TAF1L: variants seen among roughly 807,000 people sequenced by gnomAD.
TAF1L encodes transcription initiation factor TFIID subunit 1-like.
A neutral mutation model predicts 128.8 loss-of-function variants in TAF1L; 30 were observed. The ratio of observed to expected loss-of-function variants is 0.23; its 90% CI spans 0.17 to 0.32. The LOEUF (loss-of-function observed/expected upper bound fraction) is 0.32, where lower values mean the gene tolerates loss of function less well. TAF1L is among the 10% of genes least tolerant of loss of function. TAF1L has a pLI of 1.00. For missense variants in TAF1L, 2,099 were observed against 2,253.7 expected, an observed-to-expected ratio of 0.93 and a Z score of 1.39; for synonymous variants, 764 against 790.7, an observed-to-expected ratio of 0.97 and a Z score of 0.57.
In TAF1L at chr9:32,632,993, T is replaced by C. The variant is rs1822536653; in HGVS notation, c.2587A>G (p.Lys863Glu). 2 of 1,614,104 alleles carry C rather than the reference T, an allele frequency of 1.2e-6. No homozygotes were observed. Among genetic ancestry groups the C allele is most frequent in the South Asian group, 2.2e-5 (2 of 91,092 alleles). ...AAGTCAGCGCAGAGCTTTAGCCTCT[T>C]CCGGATGCTGCTTTCTGAATGGGAA... Reference protein sequence around the residue: ...FPSHSESSIRKRLKLCADFKR... With the variant: ...FPSHSESSIRERLKLCADFKR... The change falls in exon 1 of 1, where the codon AAG becomes GAG. Residue 863 changes from lysine to glutamate, a missense_variant. Physicochemically the swap from Lys to Glu is moderately conservative, Grantham distance 56 (BLOSUM62 1). Transcript: ENST00000242310. This position sits in a 1 kb window ranked among gnomAD's most constrained non-coding sequence, Gnocchi z 4.4.
rs1246511817 is a variant in TAF1L, at chr9:32,631,259, T to G, written c.4321A>C (p.Thr1441Pro). Reference protein sequence around the residue: ...KVVKDYYKIITRPMDLQTLRE... With the variant: ...KVVKDYYKIIPRPMDLQTLRE... ...AGTGTTTGTAGGTCCATTGGCCGAGTGATGATTTTGTAGTAGTCCTTTACA... is the reference window on the plus strand; with the variant it reads ...AGTGTTTGTAGGTCCATTGGCCGAGGGATGATTTTGTAGTAGTCCTTTACA... The change falls in exon 1 of 1, where the codon ACT (threonine) becomes CCT (proline). Residue 1441 changes from threonine to proline, a missense_variant. By Grantham distance (38) the Thr-to-Pro change is conservative. Transcript: ENST00000242310. This position sits in a 1 kb window ranked among gnomAD's most constrained non-coding sequence, Gnocchi z 4.1. The G allele has an allele frequency of 6.2e-7, 1 of 1,613,838 alleles. No individual in the cohort carries two copies. The highest frequency in any genetic ancestry group is 1.3e-5 in the African/African-American group (1 of 74,844).
Position 32,633,301 on chromosome 9 carries a change from T to C in TAF1L, c.2279A>G (p.Gln760Arg), listed in dbSNP as rs1342215647. ...ACGAAAAAGGTTGTTCTCAAGTGCC[T>C]GCAGTAATTGGCCAGGATGGAGAGA... The part of the protein sequence containing the change: ...LGSLHPGQLL[Q>R]ALENNLFRAP... The change falls in exon 1 of 1, where the codon CAG becomes CGG. Residue 760 changes from glutamine to arginine, a missense_variant. By Grantham distance (43) the Gln-to-Arg change is conservative (BLOSUM62 1). Around this residue, in one of 4 missense-constraint regions of TAF1L, gnomAD observed 1,213 missense variants for 1,391.4 expected, o/e 0.87. Transcript: ENST00000242310. 1 of 1,614,222 alleles carries C rather than the reference T, an allele frequency of 6.2e-7. No homozygotes were observed. The highest frequency in any genetic ancestry group is 1.7e-5 in the Admixed American group (1 of 60,028).
chr9:32,629,966 G>C lies in TAF1L; in HGVS notation c.*133C>G. ...CCACCATGCCCAGCTGGAAATTTCCGATGCTGCTGAAGCTTGTGTCTTGGG... is the reference window on the plus strand; with the variant it reads ...CCACCATGCCCAGCTGGAAATTTCCCATGCTGCTGAAGCTTGTGTCTTGGG... On this transcript the variant is annotated 3_prime_UTR_variant, in exon 1 of 1. Coordinates refer to ENST00000242310, the MANE Select transcript of TAF1L (RefSeq NM_153809.2). The C allele has an allele frequency of 6.6e-7, 1 of 1,522,606 alleles. No homozygotes were observed. The highest frequency in any genetic ancestry group is 8.8e-7 in the Non-Finnish European group (1 of 1,131,456). 94.3% of individuals were successfully genotyped at this position (1,522,606 alleles called of 1,614,324 possible). A position where few individuals can be genotyped will look rare whatever the true frequency, so the allele number is the denominator to read the frequency against.
In TAF1L at chr9:32,634,077, G is replaced by T; in HGVS notation, c.1503C>A (p.Asp501Glu). ...TGGCCTGAGCATCCCAAATGATATTGTCCTCCCAGCGTCCATACACCAGAT... is the reference window on the plus strand; with the variant it reads ...TGGCCTGAGCATCCCAAATGATATTTTCCTCCCAGCGTCCATACACCAGAT... ...NEDLVYGRWE[D>E]NIIWDAQAMP... Residue 501 changes from aspartate to glutamate, a missense_variant, in exon 1 of 1, where the codon GAC becomes GAA. Physicochemically the swap from Asp to Glu is conservative, Grantham distance 45. Coordinates refer to ENST00000242310, the MANE Select transcript of TAF1L (RefSeq NM_153809.2). 1 of 1,614,136 alleles carries T rather than the reference G, an allele frequency of 6.2e-7. No homozygotes were observed. The highest frequency in any genetic ancestry group is 8.5e-7 in the Non-Finnish European group (1 of 1,180,038).
Position 32,634,918 on chromosome 9 carries a change from TCTGC to T in TAF1L, c.658_661del (p.Ala220AsnfsTer7), listed in dbSNP as rs1412887561. The T allele has an allele frequency of 6.2e-7, 1 of 1,614,036 alleles. No individual in the cohort carries two copies. The highest frequency in any genetic ancestry group is 1.3e-5 in the African/African-American group (1 of 74,900). ...AAGGGTCAGCTTTCCATCCTCAGAT[TCTGC>T]CTGTGTTGCTTCCTGAGGTCCCATC... is the stretch of plus-strand genomic sequence containing the variant. On this transcript the variant is annotated frameshift_variant, in exon 1 of 1. Coordinates refer to ENST00000242310, the MANE Select transcript of TAF1L (RefSeq NM_153809.2). LOFTEE classifies it high-confidence loss of function.
Position 32,630,371 on chromosome 9 carries a change from G to A in TAF1L, c.5209C>T (p.Pro1737Ser), listed in dbSNP as rs1822500114. ...GCAAGATCACCATCTCCCCCTTCTG[G>A]GGCTGGAGGCTTAGGTTTCCCATCC... ...EEDGKPKPPA[P>S]EGGDGDLADE... Residue 1737 changes from proline to serine, a missense_variant, in exon 1 of 1, where the codon CCA (proline) becomes TCA (serine). Transcript: ENST00000242310. 1.2e-6 allele frequency: 2 copies of A among 1,614,038 alleles called. No individual in the cohort carries two copies. The highest frequency in any genetic ancestry group is 1.7e-6 in the Non-Finnish European group (2 of 1,179,998).
Position 32,634,095 on chromosome 9 carries a change from C to T in TAF1L, c.1485G>A (p.Val495=), listed in dbSNP as rs1489081581. The T allele has an allele frequency of 3.1e-6, 5 of 1,614,086 alleles. No homozygotes were observed. The highest frequency in any genetic ancestry group is 1.1e-5 in the South Asian group (1 of 91,082). Reference sequence around the variant, plus strand: ...TGATATTGTCCTCCCAGCGTCCATACACCAGATCCTCATTGTCAATGGGAA... The same window carrying T: ...TGATATTGTCCTCCCAGCGTCCATATACCAGATCCTCATTGTCAATGGGAA... The part of the protein sequence containing the change: ...SIFPIDNEDL[V]YGRWEDNIIW... Residue 495 remains valine (V), a synonymous_variant, in exon 1 of 1, where the codon GTG becomes GTA. Coordinates refer to ENST00000242310, the MANE Select transcript of TAF1L (RefSeq NM_153809.2).
rs750016255 is a variant in TAF1L, at chr9:32,633,781, C to T, written c.1799G>A (p.Arg600Gln). 26 of 1,614,032 alleles carry T rather than the reference C, an allele frequency of 1.6e-5. No homozygotes were observed. Among genetic ancestry groups the T allele is most frequent in the Middle Eastern group, 1.6e-4 (1 of 6,084 alleles). ...EYYFPKQQGL[R>Q]GTFGGNIIQH... ...GATAATATTCCCTCCAAAGGTGCCC[C>T]GAAGACCCTGTTGCTTGGGGAAATA... Residue 600 changes from arginine (R) to glutamine (Q), a missense_variant, in exon 1 of 1, where the codon CGG (arginine) becomes CAG (glutamine). Transcript: ENST00000242310.
chr9:32,631,873 C>T lies in TAF1L; in HGVS notation c.3707G>A (p.Arg1236Gln). 5 of 1,614,142 alleles carry T rather than the reference C, an allele frequency of 3.1e-6. No homozygotes were observed. The highest frequency in any genetic ancestry group is 1.7e-5 in the Admixed American group (1 of 60,016). The change falls in exon 1 of 1, where the codon CGG becomes CAG. Residue 1236 changes from arginine (R) to glutamine (Q), a missense_variant. By Grantham distance (43) the Arg-to-Gln change is conservative (BLOSUM62 1). This residue lies in a region of TAF1L where 1,213 missense variants were observed against 1,391.4 expected (regional missense o/e 0.87). Coordinates refer to ENST00000242310, the MANE Select transcript of TAF1L (RefSeq NM_153809.2). This position sits in a 1 kb window ranked among gnomAD's most constrained non-coding sequence, Gnocchi z 4.1. Reference protein sequence around the residue: ...QKFALFDEKHREEMRKERRRI... With the variant: ...QKFALFDEKHQEEMRKERRRI... The stretch of plus-strand genomic sequence containing the variant: ...CCGCCGTTCTTTCCGCATCTCTTCC[C>T]GATGTTTTTCATCAAAAAGGGCAAA...
rs957845590 is a variant in TAF1L, at chr9:32,635,123, T to C, written c.457A>G (p.Lys153Glu). 3.1e-6 allele frequency: 5 copies of C among 1,614,140 alleles called. No homozygotes were observed. The highest frequency in any genetic ancestry group is 4.2e-6 in the Non-Finnish European group (5 of 1,180,030). The change falls in exon 1 of 1, where the codon AAG becomes GAG. Residue 153 changes from lysine (K) to glutamate (E), a missense_variant. By Grantham distance (56) the Lys-to-Glu change is moderately conservative. This residue lies in a region of TAF1L where 473 missense variants were observed against 429.6 expected (regional missense o/e 1.10). Transcript: ENST00000242310. ...YDADCEDIDC[K>E]LMPPPPPPPG... Reference sequence around the variant, plus strand: ...GGTGGAGGTGGAGGAGGCATCAACTTGCAATCAATGTCTTCACAATCAGCA... The same window carrying C: ...GGTGGAGGTGGAGGAGGCATCAACTCGCAATCAATGTCTTCACAATCAGCA...
Position 32,634,692 on chromosome 9 carries a change from C to T in TAF1L, c.888G>A (p.Glu296=), listed in dbSNP as rs925126342. ...RELIQEEQIQ[E]VECSVESEVS... is the part of the protein sequence containing the mutation. ...CTTCTGATTCTACTGAGCATTCCAC[C>T]TCCTGGATCTGCTCTTCCTGTATCA... is the stretch of plus-strand genomic sequence containing the variant. Residue 296 remains glutamate (E), a synonymous_variant, in exon 1 of 1, where the codon GAG becomes GAA. Coordinates refer to ENST00000242310, the MANE Select transcript of TAF1L (RefSeq NM_153809.2). 3 of 1,614,016 alleles carry T rather than the reference C, an allele frequency of 1.9e-6. No homozygotes were observed. Among genetic ancestry groups the T allele is most frequent in the African/African-American group, 2.7e-5 (2 of 74,908 alleles).
rs1564011829 is a variant in TAF1L at position 32,633,325 on chromosome 9, G to C, written c.2255C>G (p.Ser752Cys). ...CTGCAGTAATTGGCCAGGATGGAGAGAGCCCAAGAAAGGAGATGTATGGCA... is the reference window on the plus strand; with the variant it reads ...CTGCAGTAATTGGCCAGGATGGAGACAGCCCAAGAAAGGAGATGTATGGCA... Reference protein sequence around the residue: ...VYCHTSPFLGSLHPGQLLQAL... With the variant: ...VYCHTSPFLGCLHPGQLLQAL... Residue 752 changes from serine (S) to cysteine (C), a missense_variant, in exon 1 of 1, where the codon TCT (serine) becomes TGT (cysteine). By Grantham distance (112) the Ser-to-Cys change is moderately radical. Around this residue, in one of 4 missense-constraint regions of TAF1L, gnomAD observed 1,213 missense variants for 1,391.4 expected, o/e 0.87. Coordinates refer to ENST00000242310, the MANE Select transcript of TAF1L (RefSeq NM_153809.2). The C allele has an allele frequency of 6.2e-7, 1 of 1,614,218 alleles. No homozygotes were observed. Among genetic ancestry groups the C allele is most frequent in the East Asian group, 2.2e-5 (1 of 44,882 alleles).
chr9:32,635,449 T>C lies in TAF1L; in HGVS notation c.131A>G (p.Asn44Ser), dbSNP rs1372794850. The C allele has an allele frequency of 3.7e-6, 6 of 1,614,090 alleles. No homozygotes were observed. The highest frequency in any genetic ancestry group is 2.2e-5 in the South Asian group (2 of 91,088). The change falls in exon 1 of 1, where the codon AAC (asparagine) becomes AGC (serine). Residue 44 changes from asparagine (N) to serine (S), a missense_variant. Asn to Ser is a conservative substitution (Grantham distance 46, BLOSUM62 1). Around this residue, in one of 4 missense-constraint regions of TAF1L, gnomAD observed 473 missense variants for 429.6 expected, o/e 1.10. Transcript: ENST00000242310. Reference protein sequence around the residue: ...PFTLAGILFGNISGAGQLEGE... With the variant: ...PFTLAGILFGSISGAGQLEGE... ...CTCCAGCTGCCCCGCTCCACTGATGTTGCCGAAAAGGATACCCGCTAAAGT... is the reference window on the plus strand; with the variant it reads ...CTCCAGCTGCCCCGCTCCACTGATGCTGCCGAAAAGGATACCCGCTAAAGT...
rs370279631 is a variant in TAF1L at position 32,634,574 on chromosome 9, C to T, written c.1006G>A (p.Val336Met). ...ADDEITMMVP[V>M]ESKFSQSTGD... ...GTTGATTGGGAAAATTTGGACTCCA[C>T]AGGAACCATCATCGTGATTTCATCA... The change falls in exon 1 of 1, where the codon GTG becomes ATG. Residue 336 changes from valine to methionine, a missense_variant. Coordinates refer to ENST00000242310, the MANE Select transcript of TAF1L (RefSeq NM_153809.2). The T allele has an allele frequency of 6.2e-6, 10 of 1,614,068 alleles. No homozygotes were observed. The African/African-American group carries it at 9.3e-5, about 15-fold the overall frequency.
chr9:32,633,376 T>C lies in TAF1L; in HGVS notation c.2204A>G (p.Asp735Gly), dbSNP rs2119086921. The C allele has an allele frequency of 6.2e-7, 1 of 1,614,230 alleles. No individual in the cohort carries two copies. Among genetic ancestry groups the C allele is most frequent in the East Asian group, 2.2e-5 (1 of 44,890 alleles). The change falls in exon 1 of 1, where the codon GAT (aspartate) becomes GGT (glycine). Residue 735 changes from aspartate to glycine, a missense_variant. Coordinates refer to ENST00000242310, the MANE Select transcript of TAF1L (RefSeq NM_153809.2). The stretch of plus-strand genomic sequence containing the variant: ...GTAAACAGTTTCCCCATATTTACAA[T>C]CTGGTGCTCCAGGATCTTTGCCAGG... Reference protein sequence around the residue: ...RKPGKDPGAPDCKYGETVYCH... With the variant: ...RKPGKDPGAPGCKYGETVYCH...
Position 32,631,664 on chromosome 9 carries a change from C to T in TAF1L, c.3916G>A (p.Val1306Met), listed in dbSNP as rs1822519618. The change falls in exon 1 of 1, where the codon GTG becomes ATG. Residue 1306 changes from valine to methionine, a missense_variant. Transcript: ENST00000242310. The surrounding 1 kb of genome is among the most constrained non-coding windows in gnomAD (Gnocchi z 4.1). ...KFCPLYYQTN[V>M]PPSKPVAMTE... ...ATGGCAACAGGTTTCGAAGGTGGCA[C>T]ATTTGTTTGATAATAGAGGGGGCAG... 6.2e-7 allele frequency: 1 copy of T among 1,614,170 alleles called. No homozygotes were observed.
Position 32,635,073 on chromosome 9 carries a change from C to T in TAF1L, c.507G>A (p.Lys169=). ...ACACACAGGTAATAGCATCTTGGTC[C>T]TTATCCTTCTTCATTGGTCCCGGGG... ...PPPPGPMKKD[K]DQDAITCVSE... The change falls in exon 1 of 1, where the codon AAG becomes AAA. Residue 169 remains lysine (K), a synonymous_variant. Coordinates refer to ENST00000242310, the MANE Select transcript of TAF1L (RefSeq NM_153809.2). The T allele has an allele frequency of 6.2e-7, 1 of 1,613,968 alleles. No individual in the cohort carries two copies. Among genetic ancestry groups the T allele is most frequent in the African/African-American group, 1.3e-5 (1 of 74,960 alleles).
At position 32,635,526 on chromosome 9, in the gene TAF1L, G is replaced by A; in HGVS notation, c.54C>T (p.Ala18=). Residue 18 remains alanine, a synonymous_variant, in exon 1 of 1, where the codon GCC becomes GCT. Transcript: ENST00000242310. Reference sequence around the variant, plus strand: ...CCTCGCTGTCCGAGTCTGACATGATGGCGGCAGTGACGGTAGCTGCTGCCC... The same window carrying A: ...CCTCGCTGTCCGAGTCTGACATGATAGCGGCAGTGACGGTAGCTGCTGCCC... ...LLRAAATVTA[A]IMSDSDSEED... 3 of 1,614,142 alleles carry A rather than the reference G, an allele frequency of 1.9e-6. No individual in the cohort carries two copies. The highest frequency in any genetic ancestry group is 1.3e-5 in the African/African-American group (1 of 75,026).
Position 32,630,850 on chromosome 9 carries a change from G to A in TAF1L, c.4730C>T (p.Ser1577Phe). 6.2e-7 allele frequency: 1 copy of A among 1,614,168 alleles called. No individual in the cohort carries two copies. Among genetic ancestry groups the A allele is most frequent in the Non-Finnish European group, 8.5e-7 (1 of 1,180,028 alleles). ...VDLETIRKNI[S>F]KHKYQSRESF... ...CTCCCGACTCTGATACTTGTGCTTGGAGATGTTCTTACGTATGGTCTCTAA... is the reference window on the plus strand; with the variant it reads ...CTCCCGACTCTGATACTTGTGCTTGAAGATGTTCTTACGTATGGTCTCTAA... The change falls in exon 1 of 1, where the codon TCC becomes TTC. Residue 1577 changes from serine (S) to phenylalanine (F), a missense_variant. By Grantham distance (155) the Ser-to-Phe change is radical. Coordinates refer to ENST00000242310, the MANE Select transcript of TAF1L (RefSeq NM_153809.2).
Sources: gnomAD v4.1 joint callset for allele counts on GRCh38, gnomAD v4.1.1 for gene constraint, gnomAD v4.1.1 regional missense constraint, Gnocchi (gnomAD v3.1) non-coding constraint, MANE v1.5 for transcripts, NCBI Gene and HGNC (gene_info 2026-07-23, HGNC 2026-07-21) for gene names.